MAP7: variants seen among roughly 807,000 people sequenced by gnomAD.
MAP7 encodes the protein microtubule associated protein 7.
MAP7 carries 52 observed loss-of-function variants against 94.8 expected under a neutral mutation model. The ratio of observed to expected loss-of-function variants is 0.55; its 90% CI spans 0.44 to 0.69. The LOEUF (loss-of-function observed/expected upper bound fraction) is 0.69. Among genes scored for constraint, MAP7 ranks in the 30% least tolerant of loss-of-function variants. MAP7 has a pLI of 0.00. For missense variants in MAP7, 940 were observed against 964.6 expected, an observed-to-expected ratio of 0.97 and a Z score of 0.34; for synonymous variants, 350 against 357.0, an observed-to-expected ratio of 0.98 and a Z score of 0.22.
At position 136,346,160 on chromosome 6, in the gene MAP7, T is replaced by A. The variant is rs979152978; in HGVS notation, c.2016-81A>T. ...CATTATTAGGAAAACCAAAATGTTT[T>A]ATAATGAATAATTTTATAAATCTAC... is the stretch of plus-strand genomic sequence containing the variant. On this transcript the variant is annotated intron_variant, in intron 16 of 17. Transcript: ENST00000354570. 9.4e-6 allele frequency: 7 copies of A among 746,154 alleles called. No homozygotes were observed. In the African/African-American group the frequency reaches 1.2e-4, roughly 13 times the overall value. The allele number at this position is 746,154 out of a possible 1,614,324, so 46.2% of individuals were successfully genotyped here. A position where few individuals can be genotyped will look rare whatever the true frequency, so the allele number is the denominator to read the frequency against.
At chr6:136,526,238 G>A in intron 1 of MAP7, 4 of 1,176,676 alleles carry the variant, frequency 3.4e-6, no homozygotes, top group Non-Finnish European at 4.2e-6. Context: ...CACATGCGCT[G>A]GTGATTGCTC....
At chr6:136,447,575 T>C (rs896005452) in intron 1 of MAP7, among the ~76,000 whole-genome samples, 1 of 152,212 alleles carries the variant, frequency 6.6e-6, no homozygotes, top group African/African-American at 2.4e-5. Flanking sequence ...AATGTTTTAA[T>C]ATTATTTGAA....
At chr6:136,378,492 C>T (rs909991743) in intron 6 of MAP7, among the ~76,000 whole-genome samples, 1 of 152,122 alleles carries the variant, frequency 6.6e-6, no homozygotes, top group African/African-American at 2.4e-5. Flanking sequence ...CTTGGCAAGC[C>T]AAGTTCTTTC....
At chr6:136,477,010 G>A (rs188255932) in intron 1 of MAP7, among the ~76,000 whole-genome samples, 3 of 152,274 alleles carry the variant, frequency 2.0e-5, no homozygotes, top group Admixed American at 2.0e-4. Context: ...GAATCACTGA[G>A]GCTAAAGTTA....
chr6:136,483,200 A>G (rs1300956482), intron 1 of MAP7, among the ~76,000 whole-genome samples: 1 of 152,136 alleles, frequency 6.6e-6, no homozygotes, highest in East Asian at 1.9e-4. Flanking sequence ...GCCATAAAAA[A>G]GAACAGCATC....
chr6:136,400,328 A>G (rs1381746581), intron 3 of MAP7, among the ~76,000 whole-genome samples: 2 of 151,922 alleles, frequency 1.3e-5, no homozygotes, highest in East Asian at 3.9e-4. Context: ...AGGCAGGAGA[A>G]TCACTTGAAC....
chr6:136,396,157 A>AT lies in MAP7; in HGVS notation c.245-6641dup, dbSNP rs529591295. ...TCTGTAGATCACTTTAAGTATGGTC[A>AT]TTTTCACAATATTAATTGTTCCAAT... is the stretch of plus-strand genomic sequence containing the variant. On this transcript the variant is annotated intron_variant, in intron 3 of 17. Transcript: ENST00000354570. Among the ~76,000 whole-genome samples, 563 of 152,128 alleles carry AT rather than the reference A, an allele frequency of 3.7e-3. 7 individuals carry two copies. The highest frequency in any genetic ancestry group is 0.013 in the African/African-American group (537 of 41,514).
chr6:136,383,510 G>A (rs1778344389), intron 6 of MAP7, among the ~76,000 whole-genome samples, 161 bp downstream of exon 6: 1 of 152,182 alleles, frequency 6.6e-6, no homozygotes. Context: ...CAAGGAAAAT[G>A]CTGCTCAGCC....
chr6:136,420,055 G>A (rs3823165), intron 2 of MAP7: 673,225 of 831,508 alleles, frequency 0.81, 275,055 homozygotes, highest in Admixed American at 0.86. Context: ...AGCCTTCTGA[G>A]CTCGATTAAT....
intron 3 of MAP7, among the ~76,000 whole-genome samples, chr6:136,404,989 A>G (rs1785167892): frequency 6.6e-6 from 1 of 152,252 alleles, no homozygotes; most frequent in Non-Finnish European, 1.5e-5. Context: ...ATCCTAATAG[A>G]TTATTTCTGT....
At chr6:136,451,157 C>T (rs114992765) in intron 1 of MAP7, among the ~76,000 whole-genome samples, 221 of 152,310 alleles carry the variant, frequency 1.5e-3, no homozygotes, top group South Asian at 2.3e-3. Flanking sequence ...CTTAAATCTG[C>T]GCAACAAACC....
intron 16 of MAP7, among the ~76,000 whole-genome samples, chr6:136,354,837 T>A (rs986927030): frequency 2.0e-5 from 3 of 152,232 alleles, no homozygotes; most frequent in African/African-American, 7.2e-5. Flanking sequence ...GGTTCTTATA[T>A]AATGATTAAT....
chr6:136,451,901 T>A (rs1227695944), intron 1 of MAP7, among the ~76,000 whole-genome samples: 1 of 152,120 alleles, frequency 6.6e-6, no homozygotes, highest in Non-Finnish European at 1.5e-5. Flanking sequence ...AATCTCATGA[T>A]AAAATGTGAA....
In MAP7 at chr6:136,424,067, G is replaced by A. The variant is rs545211707; in HGVS notation, c.68-2268C>T. On this transcript the variant is annotated intron_variant, in intron 1 of 17. Transcript: ENST00000354570. ...CCTGCCTCGGCCTCCCAAAGTGCTG[G>A]GATTACAGGTGTGAGCCACCACGCC... Among the ~76,000 whole-genome samples the A allele has an allele frequency of 2.6e-5, 4 of 152,050 alleles. No homozygotes were observed. The South Asian group carries it at 8.3e-4, about 32-fold the overall frequency.
chr6:136,478,979 C>CAAAAAAAAAAAAAAAAAAAAAAA (rs59319740), intron 1 of MAP7, among the ~76,000 whole-genome samples: 33 of 45,200 alleles, frequency 7.3e-4, no homozygotes, highest in Non-Finnish European at 1.0e-3. Flanking sequence ...ACAGACACAT[C>CAAAAAAAAAAAAAAAAAAAAAAA]AAAAAAAAAA....
chr6:136,467,776 A>T (rs1309234626), intron 1 of MAP7, among the ~76,000 whole-genome samples: 3 of 152,274 alleles, frequency 2.0e-5, no homozygotes, highest in African/African-American at 7.2e-5. Context: ...GGGGGCCAGA[A>T]CACTTTGATT....
chr6:136,510,217 CA>C (rs1241280821), intron 1 of MAP7, among the ~76,000 whole-genome samples: 1 of 152,060 alleles, frequency 6.6e-6, no homozygotes. Flanking sequence ...ATGGGGTGAG[CA>C]TCTCTGTGAT....
At chr6:136,381,328 AC>A (rs752056636) in intron 6 of MAP7, among the ~76,000 whole-genome samples, 8 of 151,968 alleles carry the variant, frequency 5.3e-5, no homozygotes, top group Non-Finnish European at 1.0e-4. Flanking sequence ...ACAGGTGCAC[AC>A]CATCACGCTT....
intron 1 of MAP7, among the ~76,000 whole-genome samples, chr6:136,515,164 C>T (rs1824447509): frequency 1.3e-5 from 2 of 152,172 alleles, no homozygotes; most frequent in South Asian, 4.1e-4. Context: ...ACCTCATGAC[C>T]ATCCTCTGCT....
Sources: gnomAD v4.1 joint callset for allele counts (sites outside exome capture counted in the v4.1 genomes callset) on GRCh38, gnomAD v4.1.1 for gene constraint, MANE v1.5 for transcripts, NCBI Gene and HGNC (gene_info 2026-07-23, HGNC 2026-07-21) for gene names.